TBL1XR1: variants seen among roughly 807,000 people sequenced by gnomAD.
TBL1XR1 encodes the protein F-box-like/WD repeat-containing protein TBL1XR1.
A neutral mutation model predicts 66.9 loss-of-function variants in TBL1XR1; 5 were observed. The ratio of observed to expected loss-of-function variants is 0.07; its 90% CI spans 0.04 to 0.16. The LOEUF is 0.16. TBL1XR1 is among the 10% of genes least tolerant of loss of function. The pLI, the probability that TBL1XR1 is intolerant of heterozygous loss-of-function variation, is 1.00. For synonymous variants in TBL1XR1, 210 were observed against 206.0 expected (o/e 1.02, Z -0.17); for missense variants, 238 against 623.2 (o/e 0.38, Z 6.58).
chr3:177,091,520 A>C (rs754034052), intron 2 of TBL1XR1, among the ~76,000 whole-genome samples: 1 of 152,158 alleles, frequency 6.6e-6, no homozygotes, highest in Non-Finnish European at 1.5e-5. Context: ...TTTGGCCAAC[A>C]TGTTGTTTTG....
chr3:177,034,216 G>A lies in TBL1XR1; in HGVS notation c.1232C>T (p.Ala411Val). The part of the protein sequence containing the change: ...PTGPGTNNPN[A>V]NLMLASASFD... ...GTATCACCTTGCTAACATAAGGTTG[G>A]CATTTGGATTATTAGTCCCTGGTCC... Residue 411 changes from alanine (A) to valine (V), a missense_variant, in exon 13 of 16, where the codon GCC becomes GTC. Physicochemically the swap from Ala to Val is moderately conservative, Grantham distance 64. Transcript: ENST00000457928. 1 of 1,601,170 alleles carries A rather than the reference G, an allele frequency of 6.2e-7. No homozygotes were observed. The highest frequency in any genetic ancestry group is 8.5e-7 in the Non-Finnish European group (1 of 1,176,764).
At chr3:177,044,855 A>G (rs558904326) in intron 10 of TBL1XR1, 6 of 152,284 alleles carry the variant, frequency 3.9e-5, no homozygotes, top group African/African-American at 1.4e-4. Context: ...ACCTAGCAAT[A>G]GTACCATAAA....
At chr3:177,044,299 C>T (rs1425655176) in intron 10 of TBL1XR1, among the ~76,000 whole-genome samples, 1 of 152,158 alleles carries the variant, frequency 6.6e-6, no homozygotes, top group Non-Finnish European at 1.5e-5. Flanking sequence ...CACCAACCCC[C>T]TGTGCAGTTG....
intron 1 of TBL1XR1, among the ~76,000 whole-genome samples, chr3:177,144,706 T>C (rs1446380513): frequency 2.6e-5 from 4 of 151,418 alleles, no homozygotes; most frequent in Admixed American, 6.6e-5. Flanking sequence ...TGCGCCGAGA[T>C]TGCACCACTG....
intron 12 of TBL1XR1, among the ~76,000 whole-genome samples, chr3:177,036,776 T>C (rs1272526968): frequency 6.6e-6 from 1 of 152,166 alleles, no homozygotes; most frequent in Non-Finnish European, 1.5e-5. Flanking sequence ...CAAAGTTAAA[T>C]TTAATCTGTT....
At chr3:177,048,272 A>G (rs1716590030) in intron 7 of TBL1XR1, among the ~76,000 whole-genome samples, 1 of 152,196 alleles carries the variant, frequency 6.6e-6, no homozygotes, top group Non-Finnish European at 1.5e-5. Flanking sequence ...TTGTGTAATA[A>G]AAGGACAGAT....
intron 2 of TBL1XR1, among the ~76,000 whole-genome samples, chr3:177,086,124 A>G (rs1302574633): frequency 6.6e-6 from 1 of 151,056 alleles, no homozygotes; most frequent in Admixed American, 6.7e-5. Context: ...CCAAGTCCAC[A>G]CACGTAAGTT....
intron 1 of TBL1XR1, among the ~76,000 whole-genome samples, chr3:177,158,231 T>G (rs1731759946): frequency 2.3e-5 from 1 of 43,098 alleles, no homozygotes; most frequent in Non-Finnish European, 7.7e-5. Flanking sequence ...TTTCTTTTCT[T>G]TTTTTTTTTT....
At chr3:177,149,770 T>C (rs1483655755) in intron 1 of TBL1XR1, among the ~76,000 whole-genome samples, 2 of 152,154 alleles carry the variant, frequency 1.3e-5, no homozygotes, top group Non-Finnish European at 2.9e-5. Context: ...CTTCAATGTA[T>C]CATAAATAAA....
At chr3:177,148,284 CATCT>C (rs1378567149) in intron 1 of TBL1XR1, among the ~76,000 whole-genome samples, 4 of 152,146 alleles carry the variant, frequency 2.6e-5, no homozygotes, top group Non-Finnish European at 4.4e-5. Flanking sequence ...CTGTTGTGGA[CATCT>C]ATCAAGTTTG....
At chr3:177,083,388 G>A (rs571361643) in intron 2 of TBL1XR1, among the ~76,000 whole-genome samples, 1 of 152,228 alleles carries the variant, frequency 6.6e-6, no homozygotes, top group Middle Eastern at 3.4e-3. Context: ...TTGTCTTCTT[G>A]CTTTTATTTA....
chr3:177,163,780 G>A (rs1159078703), intron 1 of TBL1XR1, among the ~76,000 whole-genome samples: 3 of 152,212 alleles, frequency 2.0e-5, no homozygotes, highest in Non-Finnish European at 2.9e-5. Context: ...TTTGAACAAC[G>A]TGAATATATT....
At chr3:177,060,488 G>T (rs1196168448) in intron 3 of TBL1XR1, among the ~76,000 whole-genome samples, 1 of 152,162 alleles carries the variant, frequency 6.6e-6, no homozygotes, top group Non-Finnish European at 1.5e-5. Context: ...AGAAGTTACA[G>T]AGCTCTTAGA....
chr3:177,113,004 AACACAC>A (rs139383418), intron 1 of TBL1XR1, among the ~76,000 whole-genome samples: 10 of 149,754 alleles, frequency 6.7e-5, no homozygotes, highest in Admixed American at 4.0e-4. Flanking sequence ...ACTGTCTCAA[AACACAC>A]ACACACACAC....
chr3:177,143,401 A>C (rs1322342426), intron 1 of TBL1XR1, among the ~76,000 whole-genome samples: 1 of 152,156 alleles, frequency 6.6e-6, no homozygotes, highest in African/African-American at 2.4e-5. Context: ...AAGGGAAGGA[A>C]TATTATAGGC....
chr3:177,047,717 C>G, intron 7 of TBL1XR1, 168 bp from the exon 8 acceptor site: 3 of 654,884 alleles, frequency 4.6e-6, no homozygotes, highest in Non-Finnish European at 7.9e-6. Flanking sequence ...CCTATGAAAC[C>G]CTTCCACTGT....
At chr3:177,065,350 T>A (rs1352778038) in intron 2 of TBL1XR1, among the ~76,000 whole-genome samples, 1 of 152,192 alleles carries the variant, frequency 6.6e-6, no homozygotes, top group African/African-American at 2.4e-5. Context: ...AAGAAGTAAA[T>A]TTTAAAAATA....
intron 12 of TBL1XR1, among the ~76,000 whole-genome samples, chr3:177,034,851 C>T (rs1027148271): frequency 6.6e-6 from 1 of 151,734 alleles, no homozygotes; most frequent in African/African-American, 2.4e-5. Context: ...TAAGCCTTTC[C>T]TGAGATGAAA....
At chr3:177,103,249 C>G (rs907102065) in intron 1 of TBL1XR1, among the ~76,000 whole-genome samples, 1 of 152,116 alleles carries the variant, frequency 6.6e-6, no homozygotes, top group Non-Finnish European at 1.5e-5. Context: ...CCATCATTAA[C>G]AAGAAACTCA....
Sources: gnomAD v4.1 joint callset for allele counts (sites outside exome capture counted in the v4.1 genomes callset) on GRCh38, gnomAD v4.1.1 for gene constraint, MANE v1.5 for transcripts, NCBI Gene and HGNC (gene_info 2026-07-23, HGNC 2026-07-21) for gene names.